NPAS2: variants seen among roughly 807,000 people sequenced by gnomAD.
The protein encoded by NPAS2 is neuronal PAS domain-containing protein 2.
In NPAS2, 23 loss-of-function variants were observed where a neutral mutation model predicts 107.5. The ratio of observed to expected loss-of-function variants is 0.21; its 90% CI spans 0.15 to 0.30. The LOEUF is 0.30. Ranked by LOEUF, NPAS2 falls within the 10% of genes least tolerant of loss-of-function variation. The pLI, the probability that NPAS2 is intolerant of heterozygous loss-of-function variation, is 1.00. For missense variants in NPAS2, 756 were observed against 1,043.3 expected, an observed-to-expected ratio of 0.72 and a Z score of 3.79; for synonymous variants, 403 against 417.5, an observed-to-expected ratio of 0.97 and a Z score of 0.42.
intron 15 of NPAS2, among the ~76,000 whole-genome samples, chr2:100,980,249 G>A (rs140293492): frequency 3.3e-3 from 498 of 152,240 alleles, no homozygotes; most frequent in Middle Eastern, 0.01. Context: ...CCGATGAGCC[G>A]CCTCCACTGC....
At chr2:100,882,537 C>T (rs1573537888) in intron 1 of NPAS2, among the ~76,000 whole-genome samples, 1 of 151,936 alleles carries the variant, frequency 6.6e-6, no homozygotes, top group Non-Finnish European at 1.5e-5. Context: ...GCGTAAAACC[C>T]GGGAGGCGGA....
At position 100,820,243 on chromosome 2, in the gene NPAS2, A is replaced by AGGCGCG. The variant is rs1260795799; in HGVS notation, c.-193_-192insGCGCGG. On this transcript the variant is annotated 5_prime_UTR_variant, in exon 1 of 21. Coordinates refer to ENST00000335681, the MANE Select transcript of NPAS2 (RefSeq NM_002518.4). This position sits in a 1 kb window ranked among gnomAD's most constrained non-coding sequence, Gnocchi z 5.6. ...GCGGCCGCGGAGCCCGGAGACCCGC[A>AGGCGCG]GCCGCGGCGGCGGCGGCGGCGGCGG... 8.0e-6 allele frequency: 1 copy of AGGCGCG among 125,616 alleles called. No homozygotes were observed. The highest frequency in any genetic ancestry group is 1.9e-5 in the Non-Finnish European group (1 of 53,430). 7.8% of individuals were successfully genotyped at this position (125,616 alleles called of 1,614,324 possible). A position where few individuals can be genotyped will look rare whatever the true frequency, so the allele number is the denominator to read the frequency against.
chr2:100,995,458 A>G lies in NPAS2; in HGVS notation c.2351A>G (p.Tyr784Cys). Residue 784 changes from tyrosine (Y) to cysteine (C), a missense_variant, in exon 21 of 21, where the codon TAC becomes TGC. Tyr to Cys is a radical substitution (Grantham distance 194). Coordinates refer to ENST00000335681, the MANE Select transcript of NPAS2 (RefSeq NM_002518.4). Reference protein sequence around the residue: ...EQQDSLLLSTYSQQPGTLGYP... With the variant: ...EQQDSLLLSTCSQQPGTLGYP... ...CAGGACTCGCTACTTCTCTCCACCTACTCACAACAGCCAGGGACCCTGGGC... is the reference window on the plus strand; with the variant it reads ...CAGGACTCGCTACTTCTCTCCACCTGCTCACAACAGCCAGGGACCCTGGGC... 6.2e-7 allele frequency: 1 copy of G among 1,613,798 alleles called. No homozygotes were observed. Among genetic ancestry groups the G allele is most frequent in the Non-Finnish European group, 8.5e-7 (1 of 1,179,948 alleles).
intron 1 of NPAS2, among the ~76,000 whole-genome samples, chr2:100,852,193 A>T (rs13393439): frequency 2.6e-5 from 4 of 151,682 alleles, no homozygotes; most frequent in Non-Finnish European, 5.9e-5. Context: ...TCAGGAGATC[A>T]AGACCATCCT....
intron 5 of NPAS2, among the ~76,000 whole-genome samples, chr2:100,946,878 G>A (rs1437820663): frequency 6.6e-6 from 1 of 152,188 alleles, no homozygotes; most frequent in East Asian, 1.9e-4. Context: ...GGACGAGAAG[G>A]AGAGAAGACA....
At chr2:100,840,284 G>A (rs1416345418) in intron 1 of NPAS2, among the ~76,000 whole-genome samples, 7 of 152,082 alleles carry the variant, frequency 4.6e-5, no homozygotes, top group Non-Finnish European at 1.0e-4. Flanking sequence ...CAAGGTTACC[G>A]GTGTGGCTCT....
In NPAS2 at chr2:100,892,603, G is replaced by A. The variant is rs143356172; in HGVS notation, c.-22-12130G>A. Among the ~76,000 whole-genome samples, 7 of 152,328 alleles carry A rather than the reference G, an allele frequency of 4.6e-5. No individual in the cohort carries two copies. In the East Asian group the frequency reaches 1.4e-3, roughly 29 times the overall value. The stretch of plus-strand genomic sequence containing the variant: ...GGATCTGTCCGCCTTGCCGTTTCCA[G>A]GTCAGAGAATGTGCCAGAATGCGAT... On this transcript the variant is annotated intron_variant, in intron 1 of 20. Transcript: ENST00000335681.
intron 17 of NPAS2, 195 bp from the exon 18 acceptor site, chr2:100,990,061 T>C: frequency 1.6e-6 from 1 of 610,494 alleles, no homozygotes. Context: ...AGTCCGGCAC[T>C]GTCCTAGGCC....
intron 1 of NPAS2, among the ~76,000 whole-genome samples, chr2:100,839,725 T>A (rs1677277050): frequency 6.6e-6 from 1 of 152,174 alleles, no homozygotes; most frequent in Non-Finnish European, 1.5e-5. Context: ...CAGCCATATT[T>A]CTATACAGAT....
intron 3 of NPAS2, among the ~76,000 whole-genome samples, chr2:100,929,167 A>G (rs1683779062): frequency 6.6e-6 from 1 of 152,216 alleles, no homozygotes; most frequent in Non-Finnish European, 1.5e-5. Context: ...GGCCTCCCAA[A>G]GTGCTGGGAT....
At chr2:100,970,918 T>TA in intron 11 of NPAS2, 72 bp from the exon 12 acceptor site, 1 of 1,350,722 alleles carries the variant, frequency 7.4e-7, no homozygotes, top group Non-Finnish European at 1.1e-6. Context: ...TGTACCTTGC[T>TA]GTCTGTTCAG....
chr2:100,959,996 C>T (rs1488951367), intron 7 of NPAS2, among the ~76,000 whole-genome samples: 1 of 152,194 alleles, frequency 6.6e-6, no homozygotes, highest in Non-Finnish European at 1.5e-5. Context: ...AGTTCTCTAC[C>T]ACCTGAGATC....
intron 7 of NPAS2, chr2:100,962,956 G>A (rs1675998069): frequency 6.8e-6 from 1 of 147,640 alleles, no homozygotes; most frequent in Non-Finnish European, 1.5e-5. Context: ...TTATTTCTGA[G>A]TGACCGTGGT....
At position 100,951,737 on chromosome 2, in the gene NPAS2, T is replaced by C. The variant is rs960706696; in HGVS notation, c.598+2257T>C. 2.0e-5 allele frequency among the ~76,000 whole-genome samples: 3 copies of C among 151,626 alleles called. No homozygotes were observed. In the East Asian group the frequency reaches 5.8e-4, roughly 30 times the overall value. ...TTTCAGTTTTGCAGGATGAAAGGAG[T>C]CCTTGAGGTGGATGGTGGGATGGTT... is the stretch of plus-strand genomic sequence containing the variant. On this transcript the variant is annotated intron_variant, in intron 7 of 20. Coordinates refer to ENST00000335681, the MANE Select transcript of NPAS2 (RefSeq NM_002518.4).
chr2:100,982,555 A>C (rs1489181591), intron 16 of NPAS2, 178 bp downstream of exon 16: 1 of 696,690 alleles, frequency 1.4e-6, no homozygotes, highest in African/African-American at 1.8e-5. Context: ...CCCGGTCCCC[A>C]TCCCTGCCTC....
At chr2:100,926,021 T>A (rs1683538711) in intron 3 of NPAS2, among the ~76,000 whole-genome samples, 1 of 152,200 alleles carries the variant, frequency 6.6e-6, no homozygotes, top group African/African-American at 2.4e-5. Context: ...AGGCATTTTA[T>A]ACAAGTAGAA....
rs56892983 is a variant in NPAS2, at chr2:100,995,699, C to T, written c.*117C>T. The T allele has an allele frequency of 1.8e-3, 2,821 of 1,549,492 alleles. 36 individuals carry two copies. The African/African-American group carries it at 0.031, about 17-fold the overall frequency. On this transcript the variant is annotated 3_prime_UTR_variant, in exon 21 of 21. Coordinates refer to ENST00000335681, the MANE Select transcript of NPAS2 (RefSeq NM_002518.4). ...CCCTGGCTTTTGTGCACACTGCATACGTTTCAGAACTCCTGGATGGTAACC... is the reference window on the plus strand; with the variant it reads ...CCCTGGCTTTTGTGCACACTGCATATGTTTCAGAACTCCTGGATGGTAACC...
Position 100,947,049 on chromosome 2 carries a change from G to A in NPAS2, c.364-1186G>A, listed in dbSNP as rs539660085. On this transcript the variant is annotated intron_variant, in intron 5 of 20. Coordinates refer to ENST00000335681, the MANE Select transcript of NPAS2 (RefSeq NM_002518.4). Reference sequence around the variant, plus strand: ...CCCAGGGAGCATCTGAGTGGCAGTTGGAAGGCTGAGGCTGGAACATGAGAG... The same window carrying A: ...CCCAGGGAGCATCTGAGTGGCAGTTAGAAGGCTGAGGCTGGAACATGAGAG... Among the ~76,000 whole-genome samples, 21 of 152,270 alleles carry A rather than the reference G, an allele frequency of 1.4e-4. No individual in the cohort carries two copies. In the South Asian group the frequency reaches 3.1e-3, roughly 23 times the overall value.
At chr2:100,990,919 G>T (rs1678081482) in intron 19 of NPAS2, 47 bp downstream of exon 19, 1 of 1,545,186 alleles carries the variant, frequency 6.5e-7, no homozygotes, top group African/African-American at 1.4e-5. Context: ...TGGTGGAATG[G>T]TTCCAGGCTG....
Sources: allele counts gnomAD v4.1 joint callset (sites outside exome capture counted in the v4.1 genomes callset), GRCh38; gene constraint gnomAD v4.1.1; non-coding constraint Gnocchi (gnomAD v3.1); transcripts MANE v1.5; gene names NCBI Gene and HGNC (gene_info 2026-07-23, HGNC 2026-07-21).